PROSER1: variants seen among roughly 807,000 people sequenced by gnomAD.
PROSER1 encodes the protein proline and serine rich 1.
Under a neutral mutation model 71.8 loss-of-function variants are expected in PROSER1, and 36 were observed. The observed-to-expected ratio is 0.50, with a 90% confidence interval of 0.38 to 0.66. The LOEUF (loss-of-function observed/expected upper bound fraction) is 0.66, where lower values mean the gene tolerates loss of function less well. Ranked by LOEUF, PROSER1 falls within the 30% of genes least tolerant of loss-of-function variation. The pLI, the probability that PROSER1 is intolerant of heterozygous loss-of-function variation, is 0.00. For synonymous variants in PROSER1, 490 were observed against 452.4 expected (o/e 1.08, Z -1.06); for missense variants, 1,107 against 1,135.0 (o/e 0.98, Z 0.35).
chr13:39,011,535 A>G, intron 12 of PROSER1, 48 bp from the exon 13 acceptor site: 2 of 1,600,240 alleles, frequency 1.2e-6, no homozygotes, highest in Admixed American at 1.7e-5. Context: ...AAGTTCATTC[A>G]AGCCTGCGCT....
rs1869598341 is a variant in PROSER1 at position 39,010,656 on chromosome 13, T to A, written c.*709A>T. On this transcript the variant is annotated 3_prime_UTR_variant, in exon 13 of 13. Transcript: ENST00000352251. The stretch of plus-strand genomic sequence containing the variant: ...CTTCACTCACTGGATACTGCTGAGA[T>A]TAGGAAAACTGTTTTGAAGGCAAAT... 1 of 152,626 alleles carries A rather than the reference T, an allele frequency of 6.6e-6. No individual in the cohort carries two copies. The highest frequency in any genetic ancestry group is 2.4e-5 in the African/African-American group (1 of 41,428). The allele number at this position is 152,626 out of a possible 1,614,324, so 9.5% of individuals were successfully genotyped here.
At chr13:39,021,029 G>A (rs1870264406) in intron 9 of PROSER1, among the ~76,000 whole-genome samples, 1 of 152,122 alleles carries the variant, frequency 6.6e-6, no homozygotes, top group Non-Finnish European at 1.5e-5. Flanking sequence ...ACTAGCCTGT[G>A]TTTACATATG....
At chr13:39,011,746 GC>G (rs1385630682) in intron 12 of PROSER1, among the ~76,000 whole-genome samples, 1 of 152,172 alleles carries the variant, frequency 6.6e-6, no homozygotes, top group African/African-American at 2.4e-5. Flanking sequence ...CAGATAATGT[GC>G]TTTAACGGTC....
rs777229862 is a variant in PROSER1, at chr13:39,037,287, T to G, written c.-45A>C. The stretch of plus-strand genomic sequence containing the variant: ...TGGTTTTAACAGTTATACTTGCAAT[T>G]AAAAGACGTTCATCCCTGGTCTGCT... On this transcript the variant is annotated 5_prime_UTR_variant, in exon 1 of 13. An upstream open reading frame in the 5' UTR loses its in-frame stop. Coordinates refer to ENST00000352251, the MANE Select transcript of PROSER1 (RefSeq NM_025138.5). The G allele has an allele frequency of 5.0e-6, 7 of 1,399,724 alleles. No homozygotes were observed. The highest frequency in any genetic ancestry group is 7.1e-6 in the Non-Finnish European group (7 of 984,810). 86.7% of individuals were successfully genotyped at this position (1,399,724 alleles called of 1,614,324 possible). A position where few individuals can be genotyped will look rare whatever the true frequency, so the allele number is the denominator to read the frequency against.
chr13:39,019,570 T>C (rs976587115), intron 9 of PROSER1, among the ~76,000 whole-genome samples: 10 of 118,570 alleles, frequency 8.4e-5, no homozygotes, highest in African/African-American at 3.2e-4. Flanking sequence ...AAATGATATA[T>C]AGAATAGTTT....
At chr13:39,011,613 C>T (rs1233860855) in intron 12 of PROSER1, 126 bp from the exon 13 acceptor site, 2 of 924,378 alleles carry the variant, frequency 2.2e-6, no homozygotes, top group African/African-American at 3.4e-5. Context: ...CTCTGAGGCA[C>T]AATAAAGTCT....
Position 39,012,217 on chromosome 13 carries a change from G to C in PROSER1, c.2578C>G (p.Gln860Glu), listed in dbSNP as rs1167694750. 6.2e-7 allele frequency: 1 copy of C among 1,614,092 alleles called. No homozygotes were observed. The highest frequency in any genetic ancestry group is 2.2e-5 in the East Asian group (1 of 44,878). The change falls in exon 12 of 13, where the codon CAA (glutamine) becomes GAA (glutamate). Residue 860 changes from glutamine (Q) to glutamate (E), a missense_variant. Physicochemically the swap from Gln to Glu is conservative, Grantham distance 29. Transcript: ENST00000352251. The part of the protein sequence containing the change: ...VAQAGLSSGL[Q>E]AAGSSVFPGL... The stretch of plus-strand genomic sequence containing the variant: ...GGAAAAACAGAACTGCCTGCAGCTT[G>C]AAGTCCAGATGATAAACTAAAACAA...
rs952085918 is a variant in PROSER1, at chr13:39,012,121, G to C, written c.2674C>G (p.Gln892Glu). The change falls in exon 12 of 13, where the codon CAG becomes GAG. Residue 892 changes from glutamine to glutamate, a missense_variant. Physicochemically the swap from Gln to Glu is conservative, Grantham distance 29. Coordinates refer to ENST00000352251, the MANE Select transcript of PROSER1 (RefSeq NM_025138.5). ...GCTGACTGCGCAGCCGCATTATGCT[G>C]TAATTCTTGCAAGGATGATTGTGAA... ...NPSQSSLQEL[Q>E]HNAAAQSALL... 3.1e-6 allele frequency: 5 copies of C among 1,614,190 alleles called. No homozygotes were observed. Among genetic ancestry groups the C allele is most frequent in the Admixed American group, 1.7e-5 (1 of 60,012 alleles).
At position 39,013,120 on chromosome 13, in the gene PROSER1, C is replaced by T. The variant is rs1869767539; in HGVS notation, c.2132G>A (p.Gly711Asp). 1.2e-6 allele frequency: 2 copies of T among 1,613,730 alleles called. No homozygotes were observed. The highest frequency in any genetic ancestry group is 1.7e-6 in the Non-Finnish European group (2 of 1,179,964). Residue 711 changes from glycine (G) to aspartate (D), a missense_variant, in exon 11 of 13, where the codon GGC (glycine) becomes GAC (aspartate). Coordinates refer to ENST00000352251, the MANE Select transcript of PROSER1 (RefSeq NM_025138.5). ...TACTGACGGATTAAGAGATGGGTTG[C>T]CAGTTAAAGGAAAATTGTTGGTCAA... ...TSLTNNFPLT[G>D]NPSLNPSVSL...
At position 39,038,039 on chromosome 13, in the gene PROSER1, C is replaced by T. The variant is rs1384814516; in HGVS notation, c.-797G>A. 6.5e-6 allele frequency: 1 copy of T among 153,050 alleles called. No individual in the cohort carries two copies. The highest frequency in any genetic ancestry group is 2.4e-5 in the African/African-American group (1 of 41,438). 9.5% of individuals were successfully genotyped at this position (153,050 alleles called of 1,614,324 possible). A position where few individuals can be genotyped will look rare whatever the true frequency, so the allele number is the denominator to read the frequency against. ...CATGGGGACCTACAATAAAGCCAGT[C>T]GCGCCCAAGTAAACTCAACACTGCG... On this transcript the variant is annotated 5_prime_UTR_variant, in exon 1 of 13. Coordinates refer to ENST00000352251, the MANE Select transcript of PROSER1 (RefSeq NM_025138.5).
chr13:39,034,268 C>G lies in PROSER1; in HGVS notation c.46-72G>C, dbSNP rs559144184. ...ACGTAAGCAGCACAGTAATATACAT[C>G]TATCAAAACTGCCCAAGCAACTCAA... On this transcript the variant is annotated intron_variant, in intron 1 of 12. Coordinates refer to ENST00000352251, the MANE Select transcript of PROSER1 (RefSeq NM_025138.5). 7.5e-5 allele frequency: 94 copies of G among 1,251,194 alleles called. No homozygotes were observed. The South Asian group carries it at 1.1e-3, about 15-fold the overall frequency. The allele number at this position is 1,251,194 out of a possible 1,614,324, so 77.5% of individuals were successfully genotyped here.
At chr13:39,018,442 TTTAA>T (rs1956804492) in intron 9 of PROSER1, among the ~76,000 whole-genome samples, 1 of 149,568 alleles carries the variant, frequency 6.7e-6, no homozygotes, top group African/African-American at 2.5e-5. Flanking sequence ...ACAATGGAGA[TTTAA>T]TTAAAGAAAA....
In PROSER1 at chr13:39,030,862, C is replaced by T. The variant is rs1185826446; in HGVS notation, c.180+701G>A. On this transcript the variant is annotated intron_variant, in intron 3 of 12. Coordinates refer to ENST00000352251, the MANE Select transcript of PROSER1 (RefSeq NM_025138.5). The stretch of plus-strand genomic sequence containing the variant: ...TGCGATAACTCTTTCTTTTGCAAAG[C>T]AGTAAAAAAGCAAGTATTAAAGAGG... Among the ~76,000 whole-genome samples, 3 of 152,112 alleles carry T rather than the reference C, an allele frequency of 2.0e-5. No homozygotes were observed. The East Asian group carries it at 5.8e-4, about 30-fold the overall frequency.
At position 39,017,529 on chromosome 13, in the gene PROSER1, G is replaced by T; in HGVS notation, c.746C>A (p.Ser249Ter). 2 of 1,530,310 alleles carry T rather than the reference G, an allele frequency of 1.3e-6. No homozygotes were observed. Among genetic ancestry groups the T allele is most frequent in the Non-Finnish European group, 1.8e-6 (2 of 1,115,504 alleles). 94.8% of individuals were successfully genotyped at this position (1,530,310 alleles called of 1,614,324 possible). A position where few individuals can be genotyped will look rare whatever the true frequency, so the allele number is the denominator to read the frequency against. ...NPVGTENEDL[S>*]NPSKPIQNQT... ...ATTCTGTATAGGTTTTGACGGATTC[G>T]AAAGGTCTTCATTCTCTATATAAAA... Residue 249 changes from serine to a stop codon, truncating the protein, a stop_gained, in exon 10 of 13, where the codon TCG (serine) becomes TAG (stop). Transcript: ENST00000352251. LOFTEE classifies it high-confidence loss of function.
intron 2 of PROSER1, 70 bp from the exon 3 acceptor site, chr13:39,031,701 G>C: frequency 7.1e-7 from 1 of 1,406,296 alleles, no homozygotes; most frequent in East Asian, 2.3e-5. Flanking sequence ...TTCAGTACTT[G>C]AAATTATAAT....
rs1869624022 is a variant in PROSER1 at position 39,011,117 on chromosome 13, C to T, written c.*248G>A. The T allele has an allele frequency of 4.9e-6, 2 of 404,538 alleles. No individual in the cohort carries two copies. The highest frequency in any genetic ancestry group is 6.0e-5 in the South Asian group (2 of 33,126). 25.1% of individuals were successfully genotyped at this position (404,538 alleles called of 1,614,324 possible). A position where few individuals can be genotyped will look rare whatever the true frequency, so the allele number is the denominator to read the frequency against. The stretch of plus-strand genomic sequence containing the variant: ...ATACACAATTCAAAATTTTATAGGA[C>T]AGGTGAAAAGTCTCCAAACACTTTT... On this transcript the variant is annotated 3_prime_UTR_variant, in exon 13 of 13. Coordinates refer to ENST00000352251, the MANE Select transcript of PROSER1 (RefSeq NM_025138.5).
intron 10 of PROSER1, among the ~76,000 whole-genome samples, chr13:39,016,090 CT>C (rs947276626): frequency 3.9e-5 from 6 of 152,268 alleles, no homozygotes; most frequent in African/African-American, 1.2e-4. Context: ...TCTGTTGGAT[CT>C]TTTTATTTAA....
At position 39,013,873 on chromosome 13, in the gene PROSER1, C is replaced by T. The variant is rs1239187762; in HGVS notation, c.1379G>A (p.Gly460Asp). The T allele has an allele frequency of 2.5e-6, 4 of 1,614,154 alleles. No individual in the cohort carries two copies. The highest frequency in any genetic ancestry group is 2.5e-6 in the Non-Finnish European group (3 of 1,180,034). Residue 460 changes from glycine (G) to aspartate (D), a missense_variant, in exon 11 of 13, where the codon GGT becomes GAT. Coordinates refer to ENST00000352251, the MANE Select transcript of PROSER1 (RefSeq NM_025138.5). ...AAGAGGACTGTTCACACCAAGTGGACCGGCAACGCTGGGAGTAGAGCCACC... is the reference window on the plus strand; with the variant it reads ...AAGAGGACTGTTCACACCAAGTGGATCGGCAACGCTGGGAGTAGAGCCACC... ...IAGGSTPSVAGPLGVNSPLLS... is the reference protein window; with the variant it reads ...IAGGSTPSVADPLGVNSPLLS...
At chr13:39,023,584 A>G (rs1426764343) in intron 7 of PROSER1, 2 of 154,158 alleles carry the variant, frequency 1.3e-5, no homozygotes, top group African/African-American at 4.8e-5. Flanking sequence ...TCCTCCTTTT[A>G]GAAGAAAAAA....
Sources: allele counts gnomAD v4.1 joint callset (sites outside exome capture counted in the v4.1 genomes callset), GRCh38; gene constraint gnomAD v4.1.1; transcripts MANE v1.5; gene names NCBI Gene and HGNC (gene_info 2026-07-23, HGNC 2026-07-21).